The following ENPP6 variants were observed in gnomAD, a reference collection of about 807,000 sequenced individuals.
The protein encoded by ENPP6 is glycerophosphocholine cholinephosphodiesterase ENPP6.
A neutral mutation model predicts 42.0 loss-of-function variants in ENPP6; 32 were observed. The ratio of observed to expected loss-of-function variants is 0.76; its 90% CI spans 0.58 to 1.02. The LOEUF (loss-of-function observed/expected upper bound fraction) is 1.02, where lower values mean the gene tolerates loss of function less well. ENPP6 is among the 50% of genes least tolerant of loss of function. The pLI is 0.00. For synonymous variants in ENPP6, 213 were observed against 216.0 expected (o/e 0.99, Z 0.12); for missense variants, 552 against 566.8 (o/e 0.97, Z 0.27).
At chr4:184,149,105 A>G (rs1238749464) in intron 2 of ENPP6, among the ~76,000 whole-genome samples, 1 of 152,162 alleles carries the variant, frequency 6.6e-6, no homozygotes. Context: ...TATCCAGACC[A>G]CTTGTGTTTG....
At chr4:184,177,606 A>G (rs990856281) in intron 1 of ENPP6, among the ~76,000 whole-genome samples, 3 of 152,190 alleles carry the variant, frequency 2.0e-5, no homozygotes, top group Non-Finnish European at 4.4e-5. Context: ...ATACAGGAGC[A>G]TTCCCACTGG....
intron 2 of ENPP6, among the ~76,000 whole-genome samples, chr4:184,149,614 A>T (rs1736989301): frequency 6.6e-6 from 1 of 152,202 alleles, no homozygotes; most frequent in Non-Finnish European, 1.5e-5. Flanking sequence ...GGAGCATATG[A>T]GTGGTTGCAT....
chr4:184,206,908 GT>G (rs1733009964), intron 1 of ENPP6, among the ~76,000 whole-genome samples: 1 of 152,178 alleles, frequency 6.6e-6, no homozygotes, highest in Non-Finnish European at 1.5e-5. Flanking sequence ...CTATCCTTGG[GT>G]CTCAGGTCAC....
chr4:184,209,457 A>G lies in ENPP6; in HGVS notation c.241+8122T>C, dbSNP rs1287059427. ...GAAGAATGCAGAAGCCTCAGGAGCC[A>G]AAGCAATCAACTGGAAGAAAGGGTA... On this transcript the variant is annotated intron_variant, in intron 1 of 7. Coordinates refer to ENST00000296741, the MANE Select transcript of ENPP6 (RefSeq NM_153343.4). Among the ~76,000 whole-genome samples, 292 of 151,778 alleles carry G rather than the reference A, an allele frequency of 1.9e-3. 1 individual carries two copies. The highest frequency in any genetic ancestry group is 6.8e-3 in the African/African-American group (281 of 41,054).
rs114518177 is a variant in ENPP6, at chr4:184,102,374, G to A, written c.994-5006C>T. ...GAGTGGTCCATGTTTATTATTTGCCGCTTCACATGGGCAAGGTGTGGCTTT... is the reference window on the plus strand; with the variant it reads ...GAGTGGTCCATGTTTATTATTTGCCACTTCACATGGGCAAGGTGTGGCTTT... On this transcript the variant is annotated intron_variant, in intron 6 of 7. Coordinates refer to ENST00000296741, the MANE Select transcript of ENPP6 (RefSeq NM_153343.4). Among the ~76,000 whole-genome samples the A allele has an allele frequency of 3.3e-3, 507 of 152,296 alleles. 7 individuals are homozygous for A. Among genetic ancestry groups the A allele is most frequent in the African/African-American group, 0.011 (454 of 41,556 alleles).
chr4:184,157,411 TTC>T (rs1222060267), intron 1 of ENPP6, among the ~76,000 whole-genome samples: 1 of 68,644 alleles, frequency 1.5e-5, no homozygotes, highest in Non-Finnish European at 2.8e-5. Flanking sequence ...TTCTTTCTCT[TTC>T]TTTCTTTCTT....
chr4:184,133,192 C>G lies in ENPP6; in HGVS notation c.422-8920G>C, dbSNP rs58162487. Among the ~76,000 whole-genome samples the G allele has an allele frequency of 6.1e-3, 909 of 149,302 alleles. 6 individuals carry two copies. Among genetic ancestry groups the G allele is most frequent in the African/African-American group, 0.02 (833 of 41,100 alleles). On this transcript the variant is annotated intron_variant, in intron 2 of 7. Coordinates refer to ENST00000296741, the MANE Select transcript of ENPP6 (RefSeq NM_153343.4). The stretch of plus-strand genomic sequence containing the variant: ...ACACACACACACACACACACACACA[C>G]AGTTGAGATTTTGATTGGGATTACA...
chr4:184,153,790 C>T lies in ENPP6; in HGVS notation c.242-57G>A, dbSNP rs1036639637. ...CGGTTCTGGTGGTTTCTATTTTTAT[C>T]TTTGTTTCTTGATCATATAAGCCAT... is the stretch of plus-strand genomic sequence containing the variant. On this transcript the variant is annotated intron_variant, in intron 1 of 7. Coordinates refer to ENST00000296741, the MANE Select transcript of ENPP6 (RefSeq NM_153343.4). 63 of 1,560,240 alleles carry T rather than the reference C, an allele frequency of 4.0e-5. No homozygotes were observed. The African/African-American group carries it at 7.6e-4, about 19-fold the overall frequency.
At chr4:184,103,376 TTAAAA>T (rs1248219173) in intron 6 of ENPP6, among the ~76,000 whole-genome samples, 3 of 152,204 alleles carry the variant, frequency 2.0e-5, no homozygotes, top group African/African-American at 7.2e-5. Flanking sequence ...TCTGGTCAGA[TTAAAA>T]TAAAAGGTGA....
In ENPP6 at chr4:184,115,082, A is replaced by C. The variant is rs145384567; in HGVS notation, c.855+1774T>G. Among the ~76,000 whole-genome samples, 1,410 of 152,294 alleles carry C rather than the reference A, an allele frequency of 9.3e-3. 21 individuals carry two copies. The highest frequency in any genetic ancestry group is 0.027 in the Admixed American group (414 of 15,296). ...ATCCGGAGTTCTTAAGGAAAGGAGG[A>C]TGCATTTGCAGAAGGATTGGGCTAA... On this transcript the variant is annotated intron_variant, in intron 5 of 7. Coordinates refer to ENST00000296741, the MANE Select transcript of ENPP6 (RefSeq NM_153343.4).
intron 5 of ENPP6, among the ~76,000 whole-genome samples, chr4:184,114,979 A>C (rs1261195417): frequency 6.6e-6 from 1 of 152,102 alleles, no homozygotes; most frequent in African/African-American, 2.4e-5. Context: ...CATTCTGGGC[A>C]TCTGTGTTCC....
intron 1 of ENPP6, among the ~76,000 whole-genome samples, chr4:184,178,092 C>A (rs1732482616): frequency 6.6e-6 from 1 of 152,084 alleles, no homozygotes; most frequent in Non-Finnish European, 1.5e-5. Flanking sequence ...GGAGCATGTT[C>A]TAACCCAATG....
At chr4:184,197,270 C>T (rs1286140778) in intron 1 of ENPP6, among the ~76,000 whole-genome samples, 5 of 152,224 alleles carry the variant, frequency 3.3e-5, no homozygotes, top group African/African-American at 9.6e-5. Context: ...TCTACACATG[C>T]ACCACACACT....
chr4:184,107,087 A>G (rs978312517), intron 6 of ENPP6, among the ~76,000 whole-genome samples: 12 of 151,590 alleles, frequency 7.9e-5, no homozygotes, highest in Non-Finnish European at 8.8e-5. Context: ...CCCCTGGGGG[A>G]GGGAGTGGCA....
At chr4:184,120,864 G>T (rs1215411628) in intron 3 of ENPP6, among the ~76,000 whole-genome samples, 1 of 152,170 alleles carries the variant, frequency 6.6e-6, no homozygotes, top group Non-Finnish European at 1.5e-5. Context: ...TGTCTTAGAG[G>T]TGTGAGCTGG....
Position 184,095,088 on chromosome 4 carries a change from T to C in ENPP6, c.1117+2157A>G, listed in dbSNP as rs17075297. ...AGCCAGTGTGTAAAGCTGTTTAATC[T>C]TTCATGAGAACTGGAGCCAGAACGT... On this transcript the variant is annotated intron_variant, in intron 7 of 7. Transcript: ENST00000296741. Among the ~76,000 whole-genome samples the C allele has an allele frequency of 9.4e-3, 1,439 of 152,360 alleles. 22 individuals are homozygous for C. The highest frequency in any genetic ancestry group is 0.033 in the African/African-American group (1,362 of 41,588).
intron 2 of ENPP6, among the ~76,000 whole-genome samples, chr4:184,131,007 T>C (rs116752372): frequency 0.013 from 1,981 of 152,294 alleles, 23 homozygotes; most frequent in Non-Finnish European, 0.018. Context: ...TTGGTGCTCA[T>C]AGGTATGCAT....
intron 1 of ENPP6, among the ~76,000 whole-genome samples, chr4:184,202,714 T>G (rs960028388): frequency 3.3e-5 from 5 of 152,068 alleles, no homozygotes; most frequent in African/African-American, 4.8e-5. Context: ...GAAGAGGAAA[T>G]CGGAGGGGAG....
intron 6 of ENPP6, among the ~76,000 whole-genome samples, chr4:184,102,047 A>C (rs994150314): frequency 6.6e-6 from 1 of 152,248 alleles, no homozygotes; most frequent in Non-Finnish European, 1.5e-5. Context: ...TGGGAAGCCA[A>C]GGAATAATTA....
Sources: allele counts gnomAD v4.1 joint callset (sites outside exome capture counted in the v4.1 genomes callset), GRCh38; gene constraint gnomAD v4.1.1; transcripts MANE v1.5; gene names NCBI Gene and HGNC (gene_info 2026-07-23, HGNC 2026-07-21).